Variants in IL23R observed in about 807,000 individuals in gnomAD.
IL23R encodes interleukin 23 receptor, also known as interleukin-23 receptor.
IL23R carries 34 observed loss-of-function variants against 56.9 expected under a neutral mutation model. The observed-to-expected ratio is 0.60, with a 90% CI of 0.45 to 0.80. IL23R has a LOEUF of 0.80. Ranked by LOEUF, IL23R falls within the 30% of genes least tolerant of loss-of-function variation. The pLI is 0.00. For missense variants in IL23R, 635 were observed against 730.0 expected (o/e 0.87, Z 1.50); for synonymous variants, 230 against 249.2 (o/e 0.92, Z 0.73).
At chr1:67,191,424 A>T (rs1406147437) in intron 4 of IL23R, among the ~76,000 whole-genome samples, 1 of 152,124 alleles carries the variant, frequency 6.6e-6, no homozygotes. Flanking sequence ...ACTAGATCTT[A>T]TCCTGCCTGC....
intron 4 of IL23R, among the ~76,000 whole-genome samples, chr1:67,184,227 TC>T (rs1160109863): frequency 6.8e-6 from 1 of 146,864 alleles, no homozygotes; most frequent in East Asian, 2.0e-4. Context: ...AGAGCGAGAC[TC>T]CATCTCAAAA....
At chr1:67,244,764 C>A (rs1267192841) in intron 9 of IL23R, among the ~76,000 whole-genome samples, 1 of 152,098 alleles carries the variant, frequency 6.6e-6, no homozygotes, top group Non-Finnish European at 1.5e-5. Context: ...CAGGTTTGTT[C>A]TTTTTGCTTA....
chr1:67,241,880 C>T (rs552462372), intron 9 of IL23R, among the ~76,000 whole-genome samples: 2 of 152,330 alleles, frequency 1.3e-5, no homozygotes, highest in South Asian at 4.1e-4. Flanking sequence ...AGTCTACTCA[C>T]TTAAGTGATT....
chr1:67,153,926 C>A (rs1646750126), intron 1 of IL23R, among the ~76,000 whole-genome samples: 1 of 152,076 alleles, frequency 6.6e-6, no homozygotes, highest in Non-Finnish European at 1.5e-5. Context: ...CCACCAAGCC[C>A]AGCTAATTTT....
chr1:67,265,336 CT>C, the IL23R span, among the ~76,000 whole-genome samples: 1 of 152,142 alleles, frequency 6.6e-6, no homozygotes, highest in Non-Finnish European at 1.5e-5. Flanking sequence ...CTATTCACTC[CT>C]TTTTTTCCCA....
At chr1:67,166,941 C>G (rs968581559) in intron 1 of IL23R, among the ~76,000 whole-genome samples, 6 of 152,080 alleles carry the variant, frequency 3.9e-5, no homozygotes, top group African/African-American at 1.4e-4. Flanking sequence ...TTTTATTAAA[C>G]AGATAAAATA....
chr1:67,151,575 G>T (rs1193150212), intron 1 of IL23R, among the ~76,000 whole-genome samples: 1 of 152,028 alleles, frequency 6.6e-6, no homozygotes, highest in Non-Finnish European at 1.5e-5. Context: ...GGGTTTTTAT[G>T]GTTTCAGGTT....
At chr1:67,221,289 C>A (rs557248280) in intron 7 of IL23R, among the ~76,000 whole-genome samples, 59 of 152,236 alleles carry the variant, frequency 3.9e-4, no homozygotes, top group Middle Eastern at 3.4e-3. Flanking sequence ...CCACTGCACT[C>A]CAGCCTGGGT....
intron 6 of IL23R, among the ~76,000 whole-genome samples, chr1:67,217,817 T>C (rs1051323932): frequency 1.1e-4 from 16 of 151,956 alleles, no homozygotes; most frequent in Non-Finnish European, 1.9e-4. Context: ...TTTTACATTT[T>C]CAGTGCATTG....
At chr1:67,170,171 C>T (rs183760091) in intron 3 of IL23R, among the ~76,000 whole-genome samples, 12 of 152,258 alleles carry the variant, frequency 7.9e-5, no homozygotes, top group African/African-American at 2.9e-4. Context: ...TGACCTTGGA[C>T]AAGTTGCTTA....
chr1:67,236,772 G>T lies in IL23R; in HGVS notation c.1015G>T (p.Ala339Ser). The T allele has an allele frequency of 6.2e-7, 1 of 1,613,226 alleles. No individual in the cohort carries two copies. The highest frequency in any genetic ancestry group is 1.1e-5 in the South Asian group (1 of 91,064). The part of the protein sequence containing the change: ...HDTWNSGLTV[A>S]SISTGHLTSD... ...CACATGGAATTCTGGGCTAACAGTT[G>T]CTTCCATCTCTACAGGGCACCTTAC... is the stretch of plus-strand genomic sequence containing the variant. The change falls in exon 8 of 11, where the codon GCT (alanine) becomes TCT (serine). Residue 339 changes from alanine to serine, a missense_variant. Ala to Ser is a moderately conservative substitution (Grantham distance 99, BLOSUM62 1). Transcript: ENST00000347310.
At chr1:67,176,272 G>A (rs1177612991) in intron 3 of IL23R, among the ~76,000 whole-genome samples, 1 of 152,068 alleles carries the variant, frequency 6.6e-6, no homozygotes, top group Non-Finnish European at 1.5e-5. Context: ...ACTGAATTTA[G>A]GATAATATAG....
At position 67,258,592 on chromosome 1, in the gene IL23R, AAGG is replaced by A. The variant is rs766334545; in HGVS notation, c.1357_1359del (p.Glu453del). On this transcript the variant is annotated inframe_deletion, in exon 11 of 11. Transcript: ENST00000347310. ...AGAACACAAGCCTACAGACTACAAG[AAGG>A]AGAATACAGGACCCCTGGAGACAAG... 1 of 1,613,668 alleles carries A rather than the reference AAGG, an allele frequency of 6.2e-7. No individual in the cohort carries two copies. The highest frequency in any genetic ancestry group is 8.5e-7 in the Non-Finnish European group (1 of 1,179,854).
At chr1:67,219,843 A>T in intron 7 of IL23R, 113 bp downstream of exon 7, 1 of 1,016,016 alleles carries the variant, frequency 9.8e-7, no homozygotes, top group Non-Finnish European at 1.5e-6. Context: ...AGGCAGGAAG[A>T]TTGCTTGAGC....
intron 6 of IL23R, among the ~76,000 whole-genome samples, chr1:67,218,348 G>GTA (rs1472585876): frequency 1.3e-4 from 19 of 142,360 alleles, no homozygotes; most frequent in African/African-American, 5.1e-4. Flanking sequence ...GTGTGTGTGT[G>GTA]TGTGTGTGTG....
At chr1:67,166,067 C>A (rs1047914047), upstream of IL23R, among the ~76,000 whole-genome samples, 5 of 152,212 alleles carry the variant, frequency 3.3e-5, no homozygotes, top group Middle Eastern at 3.4e-3. Context: ...TGTATATCAT[C>A]AAATTGTAGA....
chr1:67,194,624 A>C (rs1647998347), intron 4 of IL23R, among the ~76,000 whole-genome samples: 2 of 152,212 alleles, frequency 1.3e-5, no homozygotes, highest in African/African-American at 4.8e-5. Flanking sequence ...CTTAGTAACT[A>C]TGGTTACTGT....
chr1:67,168,262 G>T, intron 2 of IL23R, 72 bp downstream of exon 2: 2 of 1,114,584 alleles, frequency 1.8e-6, no homozygotes, highest in South Asian at 1.2e-5. Flanking sequence ...TCATTTTCAT[G>T]GTTTTATGTT....
chr1:67,147,094 A>G (rs774456659), intron 1 of IL23R, among the ~76,000 whole-genome samples: 1 of 151,996 alleles, frequency 6.6e-6, no homozygotes, highest in Non-Finnish European at 1.5e-5. Flanking sequence ...TTCTTGAGTG[A>G]GAAGGTTGTA....
Sources: gnomAD v4.1 joint callset for allele counts (sites outside exome capture counted in the v4.1 genomes callset) on GRCh38, gnomAD v4.1.1 for gene constraint, MANE v1.5 for transcripts, NCBI Gene and HGNC (gene_info 2026-07-23, HGNC 2026-07-21) for gene names.